The following MNAT1 variants were observed in gnomAD, a reference collection of about 807,000 sequenced individuals.
The protein encoded by MNAT1 is CDK-activating kinase assembly factor MAT1.
Under a neutral mutation model 42.0 loss-of-function variants are expected in MNAT1, and 43 were observed. The ratio of observed to expected loss-of-function variants is 1.02; its 90% CI spans 0.80 to 1.32. The LOEUF is 1.32. Ranked by LOEUF, MNAT1 falls within the 40% of genes most tolerant of loss-of-function variation. The pLI is 0.00. For missense variants in MNAT1, 306 were observed against 350.4 expected (o/e 0.87, Z 1.01); for synonymous variants, 118 against 120.0 (o/e 0.98, Z 0.11).
intron 7 of MNAT1, among the ~76,000 whole-genome samples, chr14:60,927,317 G>T (rs1204757377): frequency 1.3e-5 from 2 of 152,196 alleles, no homozygotes; most frequent in Non-Finnish European, 2.9e-5. Context: ...GTTAATTTTA[G>T]TGTGCTACTA....
intron 5 of MNAT1, among the ~76,000 whole-genome samples, chr14:60,818,421 C>T (rs534502168): frequency 2.6e-5 from 4 of 152,044 alleles, no homozygotes; most frequent in South Asian, 2.1e-4. Context: ...CTTTGTACTA[C>T]TCTTTTTGTG....
At chr14:60,937,752 TC>T (rs1298020883) in intron 7 of MNAT1, among the ~76,000 whole-genome samples, 4 of 152,086 alleles carry the variant, frequency 2.6e-5, no homozygotes, top group Non-Finnish European at 5.9e-5. Context: ...AGTAGTTTTT[TC>T]CAATTCTGTG....
chr14:60,926,303 T>G (rs1280851227), intron 7 of MNAT1, among the ~76,000 whole-genome samples: 1 of 152,212 alleles, frequency 6.6e-6, no homozygotes, highest in Non-Finnish European at 1.5e-5. Flanking sequence ...AGACACCAAC[T>G]GGGCGTCCTC....
chr14:60,859,254 T>C (rs879603536), intron 6 of MNAT1, among the ~76,000 whole-genome samples: 5 of 152,218 alleles, frequency 3.3e-5, no homozygotes, highest in Non-Finnish European at 7.3e-5. Flanking sequence ...TGGTAGGTCT[T>C]GAGATGTCTA....
intron 7 of MNAT1, among the ~76,000 whole-genome samples, chr14:60,966,133 CTT>C (rs577360114): frequency 6.9e-6 from 1 of 145,274 alleles, no homozygotes; most frequent in African/African-American, 2.5e-5. Flanking sequence ...GACTATTTTT[CTT>C]TTTTTTTTTT....
intron 6 of MNAT1, among the ~76,000 whole-genome samples, chr14:60,854,968 GT>G (rs1470129356): frequency 6.6e-6 from 1 of 152,196 alleles, no homozygotes; most frequent in Admixed American, 6.5e-5. Flanking sequence ...GGTTTTGTCT[GT>G]AAGCCCCTGA....
chr14:60,785,657 C>T (rs191491871), intron 1 of MNAT1, among the ~76,000 whole-genome samples: 180 of 152,242 alleles, frequency 1.2e-3, no homozygotes, highest in African/African-American at 3.9e-3. Flanking sequence ...TTTATTCTCA[C>T]ACATCTGCTT....
intron 6 of MNAT1, among the ~76,000 whole-genome samples, chr14:60,865,186 C>T (rs564190389): frequency 3.1e-4 from 47 of 152,032 alleles, no homozygotes; most frequent in Non-Finnish European, 6.3e-4. Context: ...TATCTTTTCA[C>T]GGAAAAATAT....
intron 7 of MNAT1, among the ~76,000 whole-genome samples, chr14:60,940,900 AAGTTAG>A (rs376589015): frequency 2.0e-5 from 3 of 152,296 alleles, no homozygotes; most frequent in African/African-American, 7.2e-5. Flanking sequence ...TTTAAAAAAA[AAGTTAG>A]AGTGAGATTT....
At chr14:60,838,492 C>A (rs2033457728) in intron 6 of MNAT1, among the ~76,000 whole-genome samples, 1 of 151,898 alleles carries the variant, frequency 6.6e-6, no homozygotes, top group African/African-American at 2.4e-5. Context: ...TTTATTATTT[C>A]TTTTCTTCTC....
chr14:60,907,878 A>C (rs938442016), intron 7 of MNAT1, among the ~76,000 whole-genome samples: 4 of 152,078 alleles, frequency 2.6e-5, no homozygotes, highest in African/African-American at 9.7e-5. Flanking sequence ...TGTGAAATAA[A>C]ATTTTTTATA....
At chr14:60,966,052 C>T (rs900892287) in intron 7 of MNAT1, among the ~76,000 whole-genome samples, 8 of 152,072 alleles carry the variant, frequency 5.3e-5, no homozygotes, top group Non-Finnish European at 8.8e-5. Context: ...AACTTTATGG[C>T]CATGGGGTAG....
intron 7 of MNAT1, among the ~76,000 whole-genome samples, chr14:60,895,869 T>A (rs756968245): frequency 1.3e-5 from 2 of 152,198 alleles, no homozygotes; most frequent in Non-Finnish European, 2.9e-5. Flanking sequence ...AGTACAGTTT[T>A]TTTGTAGCTA....
At chr14:60,910,033 C>CTT (rs2035311744) in intron 7 of MNAT1, among the ~76,000 whole-genome samples, 1 of 152,120 alleles carries the variant, frequency 6.6e-6, no homozygotes, top group Non-Finnish European at 1.5e-5. Context: ...TTGAAGAAGT[C>CTT]CTTCACATCC....
chr14:60,750,529 C>CTTT (rs775053270), intron 1 of MNAT1, among the ~76,000 whole-genome samples: 11 of 90,666 alleles, frequency 1.2e-4, no homozygotes, highest in African/African-American at 2.5e-4. Context: ...TGCGCCCAGC[C>CTTT]TTTTTTTTTT....
chr14:60,844,016 A>G (rs545587485), intron 6 of MNAT1, among the ~76,000 whole-genome samples: 8 of 152,210 alleles, frequency 5.3e-5, no homozygotes, highest in African/African-American at 1.7e-4. Context: ...ATTTAGTTGT[A>G]TTTGTAGAGA....
At chr14:60,846,991 C>T (rs185721073) in intron 6 of MNAT1, among the ~76,000 whole-genome samples, 10 of 152,218 alleles carry the variant, frequency 6.6e-5, no homozygotes, top group Admixed American at 2.6e-4. Context: ...TTCTGTCCAG[C>T]GTTGCTTCAT....
At chr14:60,950,416 T>C (rs2036359032) in intron 7 of MNAT1, among the ~76,000 whole-genome samples, 1 of 152,198 alleles carries the variant, frequency 6.6e-6, no homozygotes. Context: ...CTATATACCC[T>C]ATCACCCTTT....
At position 60,968,583 on chromosome 14, in the gene MNAT1, C is replaced by T; in HGVS notation, c.*234C>T. ...GAGGATTTGACACGATAAGCCTCAT[C>T]TGATGGAAGAGAGGAATAAATAATT... is the stretch of plus-strand genomic sequence containing the variant. On this transcript the variant is annotated 3_prime_UTR_variant, in exon 8 of 8. Transcript: ENST00000261245. 1.7e-6 allele frequency: 2 copies of T among 1,203,012 alleles called. No individual in the cohort carries two copies. Among genetic ancestry groups the T allele is most frequent in the South Asian group, 1.3e-5 (1 of 76,526 alleles). The allele number at this position is 1,203,012 out of a possible 1,614,324, so 74.5% of individuals were successfully genotyped here.
Sources: allele counts gnomAD v4.1 joint callset (sites outside exome capture counted in the v4.1 genomes callset), GRCh38; gene constraint gnomAD v4.1.1; transcripts MANE v1.5; gene names NCBI Gene and HGNC (gene_info 2026-07-23, HGNC 2026-07-21).